The following C11orf58 variants were observed in gnomAD, a reference collection of about 807,000 sequenced individuals.
C11orf58 encodes the protein small acidic protein.
In C11orf58, 5 loss-of-function variants were observed where a neutral mutation model predicts 22.7. The ratio of observed to expected loss-of-function variants is 0.22; its 90% confidence interval spans 0.12 to 0.46. The LOEUF is 0.46. C11orf58 is among the 20% of genes least tolerant of loss of function. The pLI, the probability that C11orf58 is intolerant of heterozygous loss-of-function variation, is 0.99. For missense variants in C11orf58, 151 were observed against 223.3 expected, an observed-to-expected ratio of 0.68 and a Z score of 2.06; for synonymous variants, 71 against 70.7, an observed-to-expected ratio of 1.00 and a Z score of -0.02.
At chr11:16,739,759 T>A (rs115089471) in intron 1 of C11orf58, among the ~76,000 whole-genome samples, 3 of 152,274 alleles carry the variant, frequency 2.0e-5, no homozygotes, top group African/African-American at 7.2e-5. Flanking sequence ...GAGGTCATCT[T>A]TAAGGAAGAT....
At position 16,755,138 on chromosome 11, in the gene C11orf58, G is replaced by A. The variant is rs767562802; in HGVS notation, c.*34G>A. 1.2e-6 allele frequency: 2 copies of A among 1,606,338 alleles called. No homozygotes were observed. The highest frequency in any genetic ancestry group is 2.2e-5 in the South Asian group (2 of 90,074). On this transcript the variant is annotated 3_prime_UTR_variant, in exon 5 of 5. Transcript: ENST00000228136. ...CGCTTAGTCTTTGTATTAAAAGTAA[G>A]CCTTATTGTTACAATGCACAGTGGA... is the stretch of plus-strand genomic sequence containing the variant.
chr11:16,748,187 A>G, intron 3 of C11orf58, 30 bp downstream of exon 3: 2 of 1,556,036 alleles, frequency 1.3e-6, no homozygotes, highest in Non-Finnish European at 1.8e-6. Context: ...TTAAAATGGA[A>G]GTGCTAAATT....
chr11:16,742,763 G>A (rs578130505), intron 1 of C11orf58, among the ~76,000 whole-genome samples: 59 of 152,264 alleles, frequency 3.9e-4, no homozygotes, highest in East Asian at 3.9e-4. Flanking sequence ...GAATTTTAAT[G>A]TGAATTTAAC....
intron 1 of C11orf58, among the ~76,000 whole-genome samples, chr11:16,743,900 A>T (rs539798246): frequency 6.6e-6 from 1 of 152,116 alleles, no homozygotes; most frequent in Admixed American, 6.5e-5. Flanking sequence ...TTAGATTTAT[A>T]AGAGTTCAGT....
At chr11:16,753,979 C>T (rs1848553816) in intron 4 of C11orf58, 3 of 511,488 alleles carry the variant, frequency 5.9e-6, no homozygotes, top group Non-Finnish European at 1.1e-5. Context: ...CAGGTGTGAG[C>T]CACCATGTCC....
rs1410515037 is a variant in C11orf58, at chr11:16,756,023, T to G, written c.*919T>G. 2 of 152,546 alleles carry G rather than the reference T, an allele frequency of 1.3e-5. No homozygotes were observed. The highest frequency in any genetic ancestry group is 6.5e-5 in the Admixed American group (1 of 15,276). The allele number at this position is 152,546 out of a possible 1,614,324, so 9.4% of individuals were successfully genotyped here. ...TTGATTAATTACTAAAAAGTATTAC[T>G]TTCTAATTTTATTGCTGTTTCTGTT... On this transcript the variant is annotated 3_prime_UTR_variant, in exon 5 of 5. Transcript: ENST00000228136.
chr11:16,741,636 C>G (rs1848449295), intron 1 of C11orf58, among the ~76,000 whole-genome samples: 1 of 152,236 alleles, frequency 6.6e-6, no homozygotes, highest in African/African-American at 2.4e-5. Flanking sequence ...AAAGCTTCAT[C>G]TGTATTTACA....
At chr11:16,739,608 G>A (rs920529403) in intron 1 of C11orf58, 1 of 152,162 alleles carries the variant, frequency 6.6e-6, no homozygotes, top group Non-Finnish European at 1.5e-5. Context: ...CTTATTTTAG[G>A]CCTTTTTGTA....
intron 4 of C11orf58, chr11:16,753,989 C>T (rs537791407): frequency 4.8e-5 from 23 of 474,476 alleles, no homozygotes; most frequent in Non-Finnish European, 7.6e-5. Flanking sequence ...CCACCATGTC[C>T]GGCCAGGGCA....
At position 16,757,369 on chromosome 11, in the gene C11orf58, A is replaced by C. The variant is rs1848588720; in HGVS notation, c.*2265A>C. Among the ~76,000 whole-genome samples the C allele has an allele frequency of 6.6e-6, 1 of 152,184 alleles. No homozygotes were observed. On this transcript the variant is annotated 3_prime_UTR_variant, in exon 5 of 5. Transcript: ENST00000228136. The stretch of plus-strand genomic sequence containing the variant: ...TAAGGAAATAGGAGCAACTTGTTTT[A>C]AAATAACTACACTAAAAGACTTTCT...
rs1265286367 is a variant in C11orf58 at position 16,754,916 on chromosome 11, G to A, written c.364G>A (p.Asp122Asn). Residue 122 changes from aspartate to asparagine, a missense_variant, in exon 5 of 5, where the codon GAT (aspartate) becomes AAT (asparagine). Around this residue, in one of 3 missense-constraint regions of C11orf58, gnomAD observed 112 missense variants for 162.6 expected, o/e 0.69. Transcript: ENST00000228136. Reference sequence around the variant, plus strand: ...AGGTGATGTGGCTGGAGATGATGATGATGACGATGATGATTCACCTGATCC... The same window carrying A: ...AGGTGATGTGGCTGGAGATGATGATAATGACGATGATGATTCACCTGATCC... ...GEGDVAGDDD[D>N]DDDDSPDPES... 1.2e-6 allele frequency: 2 copies of A among 1,614,076 alleles called. No homozygotes were observed. Among genetic ancestry groups the A allele is most frequent in the South Asian group, 1.1e-5 (1 of 91,082 alleles).
chr11:16,739,097 G>A (rs905129417), intron 1 of C11orf58, among the ~76,000 whole-genome samples: 1 of 152,150 alleles, frequency 6.6e-6, no homozygotes, highest in African/African-American at 2.4e-5. Flanking sequence ...GGGTCGAGGA[G>A]TGAAAGAGCT....
chr11:16,754,795 C>A, intron 4 of C11orf58, 76 bp from the exon 5 acceptor site: 1 of 1,571,628 alleles, frequency 6.4e-7, no homozygotes, highest in South Asian at 1.2e-5. Flanking sequence ...CTAAGACCGA[C>A]AGAACTTACG....
chr11:16,753,871 G>A (rs901744197), intron 4 of C11orf58: 1 of 492,624 alleles, frequency 2.0e-6, no homozygotes, highest in Non-Finnish European at 3.7e-6. Context: ...GCTAATTTTT[G>A]TATTTTTTGT....
intron 1 of C11orf58, among the ~76,000 whole-genome samples, chr11:16,739,887 C>T (rs76092264): frequency 0.013 from 2,048 of 152,142 alleles, 52 homozygotes; most frequent in African/African-American, 0.047. Flanking sequence ...TTTAAAAGCC[C>T]ACTGAATACT....
chr11:16,751,943 CAA>C (rs1323850973), intron 3 of C11orf58: 1 of 152,336 alleles, frequency 6.6e-6, no homozygotes, highest in African/African-American at 2.4e-5. Flanking sequence ...GGATTAAAGA[CAA>C]AGTGGAACAT....
Position 16,756,935 on chromosome 11 carries a change from A to C in C11orf58, c.*1831A>C, listed in dbSNP as rs922678601. 2.8e-5 allele frequency: 4 copies of C among 145,146 alleles called. No individual in the cohort carries two copies. The highest frequency in any genetic ancestry group is 9.9e-5 in the African/African-American group (4 of 40,502). The allele number at this position is 145,146 out of a possible 1,614,324, so 9.0% of individuals were successfully genotyped here. ...AAAAAAAAAAAAAAAAAAATTTAGA[A>C]TGTGTTAGAGAAATTTAACAAGTAG... On this transcript the variant is annotated 3_prime_UTR_variant, in exon 5 of 5. Transcript: ENST00000228136.
chr11:16,751,001 A>G (rs1848528452), intron 3 of C11orf58: 1 of 152,230 alleles, frequency 6.6e-6, no homozygotes, highest in African/African-American at 2.4e-5. Context: ...ATTAAAGTAC[A>G]TGCCCTTAAT....
intron 3 of C11orf58, chr11:16,748,426 C>T (rs1339830487): frequency 9.4e-6 from 2 of 212,124 alleles, no homozygotes; most frequent in Non-Finnish European, 9.3e-6. Flanking sequence ...AAGACCTCAT[C>T]TCTTAAATTT....
Sources: allele counts gnomAD v4.1 joint callset (sites outside exome capture counted in the v4.1 genomes callset), GRCh38; gene constraint gnomAD v4.1.1; regional missense constraint gnomAD v4.1.1; transcripts MANE v1.5; gene names NCBI Gene and HGNC (gene_info 2026-07-23, HGNC 2026-07-21).